The following EFR3B variants were observed in gnomAD, a reference collection of about 807,000 sequenced individuals.
EFR3B encodes EFR3 homolog B.
EFR3B carries 64 observed loss-of-function variants against 104.7 expected under a neutral mutation model. The observed-to-expected ratio is 0.61, with a 90% CI of 0.50 to 0.75. The LOEUF (loss-of-function observed/expected upper bound fraction) is 0.75. Ranked by LOEUF, EFR3B falls within the 30% of genes least tolerant of loss-of-function variation. The probability of loss-of-function intolerance (pLI) is 0.00; values close to 1 mark genes in which losing one functional copy is unlikely to be tolerated. For missense variants in EFR3B, 750 were observed against 1,078.5 expected (o/e 0.70, Z 4.27); for synonymous variants, 385 against 417.9 (o/e 0.92, Z 0.96).
chr2:25,152,090 T>C, intron 21 of EFR3B, 70 bp downstream of exon 21: 1 of 1,467,682 alleles, frequency 6.8e-7, no homozygotes, highest in South Asian at 1.2e-5. Context: ...CAGGACAGGA[T>C]TAAGTTCCTA....
chr2:25,075,289 G>A (rs538190951), intron 1 of EFR3B, among the ~76,000 whole-genome samples: 1 of 152,250 alleles, frequency 6.6e-6, no homozygotes. Flanking sequence ...TGTGATCGTA[G>A]GCAAATTAAC....
intron 5 of EFR3B, among the ~76,000 whole-genome samples, chr2:25,127,664 T>TG (rs1376053681): frequency 1.3e-5 from 2 of 152,008 alleles, no homozygotes; most frequent in African/African-American, 2.4e-5. Flanking sequence ...GGACTGGGGG[T>TG]GTACAAAAGG....
intron 3 of EFR3B, among the ~76,000 whole-genome samples, chr2:25,100,198 C>T (rs2149189323): frequency 6.6e-6 from 1 of 152,136 alleles, no homozygotes; most frequent in Admixed American, 6.5e-5. Flanking sequence ...GAGCAAAACT[C>T]CGTCTCAAAA....
At position 25,132,197 on chromosome 2, in the gene EFR3B, GA is replaced by G. The variant is rs1670363971; in HGVS notation, c.1147+289del. 2.0e-5 allele frequency among the ~76,000 whole-genome samples: 3 copies of G among 152,332 alleles called. No homozygotes were observed. The South Asian group carries it at 6.2e-4, about 32-fold the overall frequency. On this transcript the variant is annotated intron_variant, in intron 10 of 22. Coordinates refer to ENST00000403714, the MANE Select transcript of EFR3B (RefSeq NM_014971.2). ...CGGACCTCGGAGAGAATGAAGTCGGGAAATGAAAGGACTGGCTGGGCAGGGC... is the reference window on the plus strand; with the variant it reads ...CGGACCTCGGAGAGAATGAAGTCGGGAATGAAAGGACTGGCTGGGCAGGGC...
At chr2:25,085,587 C>A (rs1257031222) in intron 1 of EFR3B, among the ~76,000 whole-genome samples, 2 of 152,108 alleles carry the variant, frequency 1.3e-5, no homozygotes, top group Non-Finnish European at 2.9e-5. Flanking sequence ...GCCTCAGTCT[C>A]CCAAGTAGCT....
At chr2:25,046,179 A>G (rs1374366832) in intron 1 of EFR3B, among the ~76,000 whole-genome samples, 2 of 152,118 alleles carry the variant, frequency 1.3e-5, no homozygotes, top group Non-Finnish European at 2.9e-5. Flanking sequence ...TGAGGTCAGG[A>G]ATTTGAGACC....
chr2:25,149,220 C>T (rs1006014802), intron 19 of EFR3B, among the ~76,000 whole-genome samples: 2 of 151,890 alleles, frequency 1.3e-5, no homozygotes, highest in Admixed American at 1.3e-4. Flanking sequence ...TGGTGGTGCA[C>T]GCCTATAATC....
intron 1 of EFR3B, among the ~76,000 whole-genome samples, chr2:25,056,363 T>C (rs962039937): frequency 6.6e-6 from 1 of 152,158 alleles, no homozygotes; most frequent in African/African-American, 2.4e-5. Context: ...ACAGTCTTCT[T>C]TTGAAAGGAA....
At chr2:25,085,692 T>C (rs577482867) in intron 1 of EFR3B, among the ~76,000 whole-genome samples, 1 of 152,018 alleles carries the variant, frequency 6.6e-6, no homozygotes, top group African/African-American at 2.4e-5. Context: ...CTCGAACTCA[T>C]GACCTCAAGT....
At chr2:25,147,515 A>T (rs1012947471) in intron 19 of EFR3B, 1 of 152,230 alleles carries the variant, frequency 6.6e-6, no homozygotes, top group Non-Finnish European at 1.5e-5. Context: ...AAATCAAAAA[A>T]TGCACGACTC....
intron 4 of EFR3B, among the ~76,000 whole-genome samples, chr2:25,110,125 G>A (rs1471449600): frequency 1.3e-5 from 2 of 151,844 alleles, no homozygotes; most frequent in Admixed American, 6.6e-5. Flanking sequence ...CCCCTCACGA[G>A]ATCTCACCTC....
At chr2:25,115,594 T>A (rs1439200561) in intron 4 of EFR3B, among the ~76,000 whole-genome samples, 2 of 152,230 alleles carry the variant, frequency 1.3e-5, no homozygotes, top group African/African-American at 4.8e-5. Context: ...TTACCTTATA[T>A]GGAAACAGGG....
intron 1 of EFR3B, among the ~76,000 whole-genome samples, chr2:25,056,419 C>A (rs1668023313): frequency 7.0e-6 from 1 of 142,764 alleles, no homozygotes; most frequent in African/African-American, 2.6e-5. Flanking sequence ...TTTTGATTTC[C>A]ATTCATATTA....
chr2:25,096,179 C>G (rs1387075502), intron 3 of EFR3B, among the ~76,000 whole-genome samples: 1 of 152,190 alleles, frequency 6.6e-6, no homozygotes, highest in Non-Finnish European at 1.5e-5. Context: ...CCACACCTGG[C>G]TAATTTTTGT....
intron 4 of EFR3B, among the ~76,000 whole-genome samples, chr2:25,118,244 G>T (rs1385631326): frequency 6.6e-6 from 1 of 152,194 alleles, no homozygotes; most frequent in Non-Finnish European, 1.5e-5. Flanking sequence ...GCCTCCAAAA[G>T]TGCTAGGATT....
Position 25,128,279 on chromosome 2 carries a change from T to G in EFR3B, c.582T>G (p.Asp194Glu). 6.4e-7 allele frequency: 1 copy of G among 1,551,694 alleles called. No individual in the cohort carries two copies. Among genetic ancestry groups the G allele is most frequent in the East Asian group, 2.4e-5 (1 of 40,924 alleles). Residue 194 changes from aspartate to glutamate, a missense_variant, in exon 6 of 23, where the codon GAT becomes GAG. Coordinates refer to ENST00000403714, the MANE Select transcript of EFR3B (RefSeq NM_014971.2). ...QANIWDPQHM[D>E]KIVPSLLFNL... ...ATATCTGGGACCCACAGCACATGGATAAGATCGTTCCATCACTGCTTTTCA... is the reference window on the plus strand; with the variant it reads ...ATATCTGGGACCCACAGCACATGGAGAAGATCGTTCCATCACTGCTTTTCA...
intron 4 of EFR3B, among the ~76,000 whole-genome samples, chr2:25,111,498 A>G (rs1351392500): frequency 2.0e-5 from 3 of 152,022 alleles, no homozygotes; most frequent in Non-Finnish European, 4.4e-5. Flanking sequence ...TGCCCTGCTT[A>G]GTTTCTGTGG....
intron 1 of EFR3B, among the ~76,000 whole-genome samples, chr2:25,051,989 AG>A (rs1225150767): frequency 6.6e-6 from 1 of 150,970 alleles, no homozygotes; most frequent in Non-Finnish European, 1.5e-5. Context: ...TGAGGTCAGG[AG>A]TTCAGGACCA....
At chr2:25,053,678 G>A (rs942376219) in intron 1 of EFR3B, among the ~76,000 whole-genome samples, 3 of 152,206 alleles carry the variant, frequency 2.0e-5, no homozygotes, top group Non-Finnish European at 4.4e-5. Flanking sequence ...GCTGAGGTGG[G>A]CGGATCACGA....
Sources: gnomAD v4.1 joint callset for allele counts (sites outside exome capture counted in the v4.1 genomes callset) on GRCh38, gnomAD v4.1.1 for gene constraint, MANE v1.5 for transcripts, NCBI Gene and HGNC (gene_info 2026-07-23, HGNC 2026-07-21) for gene names.